ZNF107: variants seen among roughly 807,000 people sequenced by gnomAD.
ZNF107 encodes the protein C2H2 type zinc-finger protein.
A neutral mutation model predicts 12.3 loss-of-function variants in ZNF107; 19 were observed. That is an observed-to-expected ratio of 1.55 (90% CI 1.08 to 2.27). The LOEUF is 2.27. Ranked by LOEUF, ZNF107 falls within the 30% of genes most tolerant of loss-of-function variation. ZNF107 has a pLI of 0.00. For synonymous variants in ZNF107, 317 were observed against 330.5 expected (o/e 0.96, Z 0.44); for missense variants, 958 against 979.9 (o/e 0.98, Z 0.30).
intron 3 of ZNF107, among the ~76,000 whole-genome samples, chr7:64,705,246 T>C (rs756839265): frequency 5.9e-5 from 9 of 152,058 alleles, no homozygotes; most frequent in Non-Finnish European, 1.0e-4. Flanking sequence ...TTCGTGTGTA[T>C]TCTAGTTTGT....
intron 1 of ZNF107, among the ~76,000 whole-genome samples, chr7:64,682,371 C>T (rs1273020961): frequency 2.0e-5 from 3 of 152,098 alleles, no homozygotes; most frequent in Non-Finnish European, 2.9e-5. Context: ...GTACTTCCAC[C>T]TCTAGGTACC....
chr7:64,691,907 A>T lies in ZNF107; in HGVS notation c.173A>T (p.Gln58Leu), dbSNP rs377379477. 3 of 1,485,408 alleles carry T rather than the reference A, an allele frequency of 2.0e-6. No homozygotes were observed. Among genetic ancestry groups the T allele is most frequent in the Admixed American group, 2.3e-5 (1 of 43,532 alleles). 92.0% of individuals were successfully genotyped at this position (1,485,408 alleles called of 1,614,324 possible). The stretch of plus-strand genomic sequence containing the variant: ...CCATATCTGATCACCTGTCTGGAGC[A>T]AAAAAAAGAGCCCTGGAATATAAAA... ...SKPYLITCLEQKKEPWNIKRH... is the reference protein window; with the variant it reads ...SKPYLITCLELKKEPWNIKRH... Residue 58 changes from glutamine (Q) to leucine (L), a missense_variant, in exon 3 of 4, where the codon CAA (glutamine) becomes CTA (leucine). Coordinates refer to ENST00000620827, the MANE Select transcript of ZNF107 (RefSeq NM_001282359.2).
chr7:64,707,125 G>A lies in ZNF107; in HGVS notation c.1028G>A (p.Cys343Tyr). 1 of 1,613,394 alleles carries A rather than the reference G, an allele frequency of 6.2e-7. No homozygotes were observed. ...RIHAGEKPYK[C>Y]KECGRAFNIS... is the part of the protein sequence containing the mutation. ...CATGCTGGGGAGAAACCCTACAAATGTAAAGAATGTGGCAGAGCTTTTAAC... is the reference window on the plus strand; with the variant it reads ...CATGCTGGGGAGAAACCCTACAAATATAAAGAATGTGGCAGAGCTTTTAAC... The change falls in exon 4 of 4, where the codon TGT becomes TAT. Residue 343 changes from cysteine (C) to tyrosine (Y), a missense_variant. Transcript: ENST00000620827.
chr7:64,706,297 G>A (rs1562844722), intron 3 of ZNF107, 27 bp from the exon 4 acceptor site: 2 of 1,495,018 alleles, frequency 1.3e-6, no homozygotes, highest in Non-Finnish European at 8.9e-7. Context: ...AGCAAGTGGA[G>A]TAATTTATTA....
chr7:64,696,547 A>T (rs559398121), intron 3 of ZNF107, among the ~76,000 whole-genome samples: 67 of 152,302 alleles, frequency 4.4e-4, no homozygotes, highest in Admixed American at 3.5e-3. Flanking sequence ...AGGCATGTTA[A>T]GTATATTCAC....
At chr7:64,695,528 T>G (rs1326645223) in intron 3 of ZNF107, among the ~76,000 whole-genome samples, 1 of 152,232 alleles carries the variant, frequency 6.6e-6, no homozygotes, top group Non-Finnish European at 1.5e-5. Flanking sequence ...TATTGTGTTT[T>G]GTTTTATTTA....
intron 1 of ZNF107, chr7:64,684,645 C>T: frequency 1.0e-6 from 1 of 985,434 alleles, no homozygotes; most frequent in Non-Finnish European, 1.2e-6. Flanking sequence ...TCTTCACCCT[C>T]TTCCTCCACT....
Position 64,691,893 on chromosome 7 carries a change from C to T in ZNF107, c.159C>T (p.Ile53=). ...LGIAVSKPYL[I]TCLEQKKEPW... is the part of the protein sequence containing the mutation. The stretch of plus-strand genomic sequence containing the variant: ...TTGCTGTCTCTAAGCCATATCTGAT[C>T]ACCTGTCTGGAGCAAAAAAAAGAGC... Residue 53 remains isoleucine, a synonymous_variant, in exon 3 of 4, where the codon ATC becomes ATT. Transcript: ENST00000620827. 6 of 1,503,704 alleles carry T rather than the reference C, an allele frequency of 4.0e-6. No homozygotes were observed. Among genetic ancestry groups the T allele is most frequent in the Non-Finnish European group, 5.3e-6 (6 of 1,133,940 alleles). The allele number at this position is 1,503,704 out of a possible 1,614,324, so 93.1% of individuals were successfully genotyped here.
intron 3 of ZNF107, 48 bp downstream of exon 3, chr7:64,692,008 C>A (rs200109992): frequency 6.1e-5 from 77 of 1,258,158 alleles, no homozygotes; most frequent in Non-Finnish European, 8.1e-5. Context: ...GATGAAAGGT[C>A]AAAGGTCAAA....
At chr7:64,690,406 C>G in intron 1 of ZNF107, 1 of 985,318 alleles carries the variant, frequency 1.0e-6, no homozygotes, top group Non-Finnish European at 1.2e-6. Flanking sequence ...TAGGTCTGGC[C>G]CCACCCTGGA....
chr7:64,684,809 C>A (rs1789835882), intron 1 of ZNF107: 1 of 839,918 alleles, frequency 1.2e-6, no homozygotes, highest in Non-Finnish European at 1.4e-6. Flanking sequence ...CTTTATCTAT[C>A]CCTCCTGCTC....
chr7:64,666,742 T>C (rs533571902), intron 1 of ZNF107, among the ~76,000 whole-genome samples: 19 of 152,184 alleles, frequency 1.2e-4, no homozygotes, highest in Non-Finnish European at 2.5e-4. Context: ...CACAAAAATG[T>C]TAAAGAATTT....
chr7:64,687,570 G>A, intron 1 of ZNF107: 1 of 985,324 alleles, frequency 1.0e-6, no homozygotes, highest in Non-Finnish European at 1.2e-6. Flanking sequence ...CTGGCTTTAA[G>A]TTGCAAAATT....
chr7:64,699,724 A>C (rs62460673), intron 3 of ZNF107, among the ~76,000 whole-genome samples: 1 of 152,258 alleles, frequency 6.6e-6, no homozygotes, highest in African/African-American at 2.4e-5. Flanking sequence ...TTTAAATTTC[A>C]TAAGACTTGG....
At chr7:64,672,251 G>A (rs998083986) in intron 1 of ZNF107, among the ~76,000 whole-genome samples, 13 of 152,128 alleles carry the variant, frequency 8.5e-5, no homozygotes, top group African/African-American at 3.1e-4. Flanking sequence ...CTTTATCCAT[G>A]TTGCTGCAAA....
chr7:64,704,307 G>A (rs528791250), intron 3 of ZNF107, among the ~76,000 whole-genome samples: 38 of 152,066 alleles, frequency 2.5e-4, no homozygotes, highest in South Asian at 2.3e-3. Context: ...GTGCAGTGGC[G>A]CGATCTTGGC....
At chr7:64,682,929 C>T (rs1399925890) in intron 1 of ZNF107, among the ~76,000 whole-genome samples, 1 of 152,194 alleles carries the variant, frequency 6.6e-6, no homozygotes, top group African/African-American at 2.4e-5. Flanking sequence ...CTCCTTAATA[C>T]ACATGGCATC....
intron 3 of ZNF107, among the ~76,000 whole-genome samples, chr7:64,696,060 C>T (rs1291662674): frequency 1.3e-5 from 2 of 151,936 alleles, no homozygotes; most frequent in East Asian, 3.9e-4. Context: ...GAGATTCCCT[C>T]TCTACAATTT....
At chr7:64,675,852 G>T (rs1045359224) in intron 1 of ZNF107, among the ~76,000 whole-genome samples, 1 of 151,980 alleles carries the variant, frequency 6.6e-6, no homozygotes, top group South Asian at 2.1e-4. Flanking sequence ...AGTCATTCAG[G>T]TGCAGGTGTT....
Sources: gnomAD v4.1 joint callset for allele counts (sites outside exome capture counted in the v4.1 genomes callset) on GRCh38, gnomAD v4.1.1 for gene constraint, MANE v1.5 for transcripts, NCBI Gene and HGNC (gene_info 2026-07-23, HGNC 2026-07-21) for gene names.